Variants in BICRA observed in about 807,000 individuals in gnomAD.
The protein encoded by BICRA is BRD4 interacting chromatin remodeling complex associated protein, also known as BRD4-interacting chromatin-remodeling complex-associated protein.
A neutral mutation model predicts 96.9 loss-of-function variants in BICRA; 31 were observed. That is an observed-to-expected ratio of 0.32 (90% CI 0.24 to 0.43). BICRA has a LOEUF of 0.43. BICRA is among the 20% of genes least tolerant of loss of function. The pLI, the probability that BICRA is intolerant of heterozygous loss-of-function variation, is 1.00. For synonymous variants in BICRA, 1,350 were observed against 1,071.8 expected (o/e 1.26, Z -5.07); for missense variants, 2,283 against 2,190.3 (o/e 1.04, Z -0.84).
Position 47,694,248 on chromosome 19 carries a change from G to A in BICRA, c.2417G>A (p.Arg806Gln), listed in dbSNP as rs928614089. ...PTRPPSRPPSRPQSVSRPPSE... is the reference protein window; with the variant it reads ...PTRPPSRPPSQPQSVSRPPSE... ...CGGCCCCCTTCCCGCCCACCCTCCC[G>A]GCCACAGAGTGTGTCCCGCCCTCCC... The change falls in exon 8 of 15, where the codon CGG becomes CAG. Residue 806 changes from arginine to glutamine, a missense_variant. By Grantham distance (43) the Arg-to-Gln change is conservative. Transcript: ENST00000594866. 5.4e-5 allele frequency: 19 copies of A among 355,092 alleles called. No individual in the cohort carries two copies. Among genetic ancestry groups the A allele is most frequent in the Middle Eastern group, 1.1e-3 (1 of 906 alleles). The allele number at this position is 355,092 out of a possible 1,614,324, so 22.0% of individuals were successfully genotyped here.
At position 47,648,690 on chromosome 19, in the gene BICRA, T is replaced by G. The variant is rs550006891; in HGVS notation, c.-107-21753T>G. Among the ~76,000 whole-genome samples, 312 of 150,792 alleles carry G rather than the reference T, an allele frequency of 2.1e-3. 1 individual carries two copies. The highest frequency in any genetic ancestry group is 2.9e-3 in the Non-Finnish European group (198 of 67,660). ...AGTTTTTTTTTTTTGTTTGTTTTTT[T>G]TTTTTTGAGACAGAGTCTTGCTCTG... On this transcript the variant is annotated intron_variant, in intron 1 of 14. Transcript: ENST00000594866.
At chr19:47,681,481 G>A (rs1358134093) in intron 6 of BICRA, among the ~76,000 whole-genome samples, 1 of 152,208 alleles carries the variant, frequency 6.6e-6, no homozygotes, top group African/African-American at 2.4e-5. Flanking sequence ...TGGATTGGCA[G>A]GTTGGCTGAC....
At chr19:47,624,963 G>C (rs1481136152) in intron 1 of BICRA, among the ~76,000 whole-genome samples, 1 of 148,926 alleles carries the variant, frequency 6.7e-6, no homozygotes, top group Non-Finnish European at 1.5e-5. Context: ...CACAGTGCTG[G>C]GATTACAGAC....
At position 47,669,555 on chromosome 19, in the gene BICRA, G is replaced by A. The variant is rs528422343; in HGVS notation, c.-107-888G>A. Among the ~76,000 whole-genome samples, 4 of 152,028 alleles carry A rather than the reference G, an allele frequency of 2.6e-5. No individual in the cohort carries two copies. In the South Asian group the frequency reaches 8.3e-4, roughly 32 times the overall value. ...GTATACATAGTATATAACACTATAT[G>A]TTATATACACTATAGTGTATGTGCT... On this transcript the variant is annotated intron_variant, in intron 1 of 14. Transcript: ENST00000594866.
chr19:47,701,616 C>T lies in BICRA; in HGVS notation c.3884C>T (p.Pro1295Leu). The part of the protein sequence containing the change: ...EDGPMPSRNR[P>L]PIKTYEARSR... The stretch of plus-strand genomic sequence containing the variant: ...GGCCCCATGCCCTCCCGCAACCGCC[C>T]GCCCATCAAGACCTACGAGGCCCGG... The change falls in exon 15 of 15, where the codon CCG becomes CTG. Residue 1295 changes from proline (P) to leucine (L), a missense_variant. Physicochemically the swap from Pro to Leu is moderately conservative, Grantham distance 98. Coordinates refer to ENST00000594866, the MANE Select transcript of BICRA (RefSeq NM_001394372.1). This position sits in a 1 kb window ranked among gnomAD's most constrained non-coding sequence, Gnocchi z 5.4. 1 of 1,568,498 alleles carries T rather than the reference C, an allele frequency of 6.4e-7. No homozygotes were observed. Among genetic ancestry groups the T allele is most frequent in the East Asian group, 2.4e-5 (1 of 42,056 alleles).
At position 47,676,010 on chromosome 19, in the gene BICRA, C is replaced by T. The variant is rs184596381; in HGVS notation, c.150+94C>T. 7 of 405,906 alleles carry T rather than the reference C, an allele frequency of 1.7e-5. No individual in the cohort carries two copies. In the East Asian group the frequency reaches 3.3e-4, roughly 19 times the overall value. 25.1% of individuals were successfully genotyped at this position (405,906 alleles called of 1,614,324 possible). The stretch of plus-strand genomic sequence containing the variant: ...CAAGAGGGGAGGCTTGGGCTCATCT[C>T]GTGAGGGCTGTTGACAGGAGGAGGG... On this transcript the variant is annotated intron_variant, in intron 5 of 14. Coordinates refer to ENST00000594866, the MANE Select transcript of BICRA (RefSeq NM_001394372.1).
chr19:47,627,109 A>G (rs57173677), intron 1 of BICRA, among the ~76,000 whole-genome samples: 43,709 of 151,870 alleles, frequency 0.29, 6,430 homozygotes, highest in Non-Finnish European at 0.32. Flanking sequence ...CTCTTGCCCC[A>G]AGAGCCAGCC....
intron 1 of BICRA, among the ~76,000 whole-genome samples, chr19:47,642,191 C>G (rs1972394786): frequency 6.6e-6 from 1 of 152,232 alleles, no homozygotes; most frequent in Admixed American, 6.5e-5. Flanking sequence ...TTCATTCCTT[C>G]TTTTGCTGGC....
At chr19:47,697,709 C>T (rs965447162) in intron 11 of BICRA, among the ~76,000 whole-genome samples, 2 of 152,058 alleles carry the variant, frequency 1.3e-5, no homozygotes, top group African/African-American at 2.4e-5. Flanking sequence ...AACTTCTGGC[C>T]TCAGGTGACC....
intron 7 of BICRA, among the ~76,000 whole-genome samples, chr19:47,686,153 A>G (rs191375165): frequency 6.7e-6 from 1 of 149,944 alleles, no homozygotes; most frequent in Non-Finnish European, 1.5e-5. Flanking sequence ...CTGGTCTTGA[A>G]CTCCTTACCT....
chr19:47,629,249 C>T (rs1004145589), intron 1 of BICRA, among the ~76,000 whole-genome samples: 13 of 150,742 alleles, frequency 8.6e-5, no homozygotes, highest in East Asian at 2.0e-4. Context: ...ATGATCCACC[C>T]GCCTCGGCCT....
intron 1 of BICRA, among the ~76,000 whole-genome samples, chr19:47,623,429 T>TCACAGAGG (rs1352885410): frequency 6.6e-6 from 1 of 152,130 alleles, no homozygotes; most frequent in African/African-American, 2.4e-5. Flanking sequence ...CATCTCCCTG[T>TCACAGAGG]CACAGAGGCA....
chr19:47,615,594 A>T (rs1176810778), intron 1 of BICRA: 1 of 99,270 alleles, frequency 1.0e-5, no homozygotes, highest in Non-Finnish European at 2.6e-5. Context: ...AAGTGGGTTC[A>T]TATCAGTACC....
intron 1 of BICRA, among the ~76,000 whole-genome samples, chr19:47,618,664 A>G (rs1464764810): frequency 3.3e-5 from 5 of 152,134 alleles, no homozygotes; most frequent in Non-Finnish European, 7.4e-5. Flanking sequence ...GGGGGCTGCC[A>G]ACTTCAGCGT....
rs992512146 is a variant in BICRA at position 47,675,226 on chromosome 19, C to T, written c.85-625C>T. ...GAAGATTCCAGAAGTCCAGGTGGTGCTGGTGGATGTACAAGTTGGGGTTCT... is the reference window on the plus strand; with the variant it reads ...GAAGATTCCAGAAGTCCAGGTGGTGTTGGTGGATGTACAAGTTGGGGTTCT... On this transcript the variant is annotated intron_variant, in intron 4 of 14. Transcript: ENST00000594866. The surrounding 1 kb of genome is among the most constrained non-coding windows in gnomAD (Gnocchi z 4.7). 5.3e-5 allele frequency among the ~76,000 whole-genome samples: 8 copies of T among 152,108 alleles called. No homozygotes were observed. Among genetic ancestry groups the T allele is most frequent in the African/African-American group, 1.9e-4 (8 of 41,420 alleles).
intron 1 of BICRA, among the ~76,000 whole-genome samples, chr19:47,637,069 C>A (rs533628531): frequency 5.7e-4 from 87 of 152,266 alleles, no homozygotes; most frequent in African/African-American, 2.0e-3. Flanking sequence ...TTCTTCATAG[C>A]ACTTCATTTT....
intron 7 of BICRA, among the ~76,000 whole-genome samples, chr19:47,685,366 C>T (rs903823283): frequency 6.6e-6 from 1 of 152,166 alleles, no homozygotes; most frequent in African/African-American, 2.4e-5. Flanking sequence ...CACACAGAGG[C>T]TCGGAGGCAC....
rs375194201 is a variant in BICRA at position 47,690,850 on chromosome 19, AT to A, written c.2284-3259del. 3.8e-3 allele frequency among the ~76,000 whole-genome samples: 579 copies of A among 151,640 alleles called. 5 individuals carry two copies. The highest frequency in any genetic ancestry group is 0.014 in the African/African-American group (560 of 41,286). ...ATGAGAATGAAATTAAATTTTTTTA[AT>A]TTTTTGGTATCTTTAAGCTTTTTAT... On this transcript the variant is annotated intron_variant, in intron 7 of 14. Transcript: ENST00000594866.
chr19:47,685,741 C>CTA (rs1973135899), intron 7 of BICRA, among the ~76,000 whole-genome samples: 1 of 115,496 alleles, frequency 8.7e-6, no homozygotes, highest in Non-Finnish European at 1.8e-5. Context: ...TTGGCAGCCT[C>CTA]TGTGTGTGTG....
Sources: allele counts gnomAD v4.1 joint callset (sites outside exome capture counted in the v4.1 genomes callset), GRCh38; gene constraint gnomAD v4.1.1; non-coding constraint Gnocchi (gnomAD v3.1); transcripts MANE v1.5; gene names NCBI Gene and HGNC (gene_info 2026-07-23, HGNC 2026-07-21).